PCNX2: variants seen among roughly 807,000 people sequenced by gnomAD.
PCNX2 encodes pecanex-like protein 2.
A neutral mutation model predicts 223.8 loss-of-function variants in PCNX2; 168 were observed. That is an observed-to-expected ratio of 0.75 (90% CI 0.66 to 0.85). The LOEUF is 0.85. PCNX2 is among the 40% of genes least tolerant of loss of function. The pLI is 0.00. For missense variants in PCNX2, 2,507 were observed against 2,675.5 expected (o/e 0.94, Z 1.39); for synonymous variants, 1,006 against 1,052.6 (o/e 0.96, Z 0.86).
chr1:233,211,050 TAG>T (rs1681784436), intron 12 of PCNX2, among the ~76,000 whole-genome samples: 1 of 152,174 alleles, frequency 6.6e-6, no homozygotes, highest in Non-Finnish European at 1.5e-5. Context: ...ATTATCCTCT[TAG>T]AGACAGTGGA....
At position 233,259,051 on chromosome 1, in the gene PCNX2, C is replaced by A; in HGVS notation, c.811G>T (p.Val271Phe). 1.2e-6 allele frequency: 2 copies of A among 1,613,990 alleles called. No homozygotes were observed. The highest frequency in any genetic ancestry group is 1.7e-6 in the Non-Finnish European group (2 of 1,179,888). ...LSQYDLLETD[V>F]SFQPWGSENS... ...TCACTCCCCCACGGCTGGAAAGAAACGTCTGTTTCTAGTAAGTCATACTGA... is the reference window on the plus strand; with the variant it reads ...TCACTCCCCCACGGCTGGAAAGAAAAGTCTGTTTCTAGTAAGTCATACTGA... Residue 271 changes from valine (V) to phenylalanine (F), a missense_variant, in exon 5 of 34, where the codon GTT becomes TTT. Val to Phe is a conservative substitution (Grantham distance 50). Around this residue, in one of 3 missense-constraint regions of PCNX2, gnomAD observed 1,031 missense variants for 1,021.7 expected, o/e 1.01. Coordinates refer to ENST00000258229, the MANE Select transcript of PCNX2 (RefSeq NM_014801.4).
chr1:233,060,127 T>C (rs556629213), intron 23 of PCNX2, among the ~76,000 whole-genome samples: 2 of 152,358 alleles, frequency 1.3e-5, no homozygotes, highest in South Asian at 4.1e-4. Flanking sequence ...TATGCTGTTC[T>C]ATTACAGCTT....
chr1:233,225,817 G>C (rs896232559), intron 10 of PCNX2, among the ~76,000 whole-genome samples: 2 of 152,152 alleles, frequency 1.3e-5, no homozygotes, highest in African/African-American at 4.8e-5. Context: ...TCATTTACCA[G>C]AATATACTAT....
Position 233,258,251 on chromosome 1 carries a change from T to C in PCNX2, c.1611A>G (p.Thr537=). Reference sequence around the variant, plus strand: ...CAGAACTTTTACTCAAGAAGACATCTGTCCCACTGTCCACACTGAGCACCC... The same window carrying C: ...CAGAACTTTTACTCAAGAAGACATCCGTCCCACTGTCCACACTGAGCACCC... ...HARVLSVDSG[T]DVFLSKSSAE... Residue 537 remains threonine, a synonymous_variant, in exon 5 of 34, where the codon ACA becomes ACG. Coordinates refer to ENST00000258229, the MANE Select transcript of PCNX2 (RefSeq NM_014801.4). 6.2e-7 allele frequency: 1 copy of C among 1,614,030 alleles called. No homozygotes were observed. The highest frequency in any genetic ancestry group is 8.5e-7 in the Non-Finnish European group (1 of 1,179,900).
At chr1:233,138,222 G>T (rs577298261) in intron 20 of PCNX2, among the ~76,000 whole-genome samples, 6 of 152,158 alleles carry the variant, frequency 3.9e-5, no homozygotes, top group Non-Finnish European at 8.8e-5. Flanking sequence ...GCACCTTTCT[G>T]ACTTTAGTGT....
chr1:233,261,257 G>C, intron 4 of PCNX2, 28 bp downstream of exon 4: 1 of 1,579,348 alleles, frequency 6.3e-7, no homozygotes, highest in East Asian at 2.2e-5. Context: ...ATAGTGCTGT[G>C]ATAAAATATA....
intron 21 of PCNX2, among the ~76,000 whole-genome samples, chr1:233,119,620 C>CA (rs565410435): frequency 8.1e-4 from 119 of 147,748 alleles, no homozygotes; most frequent in Non-Finnish European, 1.5e-3. Context: ...CAAAACAAAA[C>CA]AAAAAAACGA....
intron 23 of PCNX2, among the ~76,000 whole-genome samples, chr1:233,072,312 T>C (rs1672892531): frequency 6.6e-6 from 1 of 152,232 alleles, no homozygotes; most frequent in Non-Finnish European, 1.5e-5. Context: ...CTTGAGTTAA[T>C]ATTTGCATAT....
At chr1:233,159,236 A>T (rs1678318022) in intron 19 of PCNX2, among the ~76,000 whole-genome samples, 1 of 152,100 alleles carries the variant, frequency 6.6e-6, no homozygotes, top group Admixed American at 6.6e-5. Context: ...GTTTCTAACT[A>T]AGGCGGCTCC....
intron 23 of PCNX2, among the ~76,000 whole-genome samples, chr1:233,060,448 C>A (rs1307545204): frequency 6.6e-6 from 1 of 152,202 alleles, no homozygotes. Flanking sequence ...CTATAGAACA[C>A]AGTCTAAATT....
chr1:233,188,292 G>A (rs1379851714), intron 15 of PCNX2, among the ~76,000 whole-genome samples: 2 of 152,138 alleles, frequency 1.3e-5, no homozygotes, highest in South Asian at 2.1e-4. Context: ...TTTCCTGGAT[G>A]GCTGTCCACT....
intron 21 of PCNX2, among the ~76,000 whole-genome samples, chr1:233,119,403 C>CAAAAAAAAAAAA (rs71173251): frequency 2.0e-3 from 79 of 38,600 alleles, no homozygotes; most frequent in East Asian, 4.2e-3. Context: ...ACTAAAAATA[C>CAAAAAAAAAAAA]AAAAAAAAAA....
At position 233,017,991 on chromosome 1, in the gene PCNX2, T is replaced by G. The variant is rs138031769; in HGVS notation, c.4606-837A>C. On this transcript the variant is annotated intron_variant, in intron 26 of 33. Transcript: ENST00000258229. ...AGAGACCTAGCCAATGAGTATTTAA[T>G]GAACTAAAATAACAGGGTTTTCAGT... is the stretch of plus-strand genomic sequence containing the variant. 5.1e-3 allele frequency among the ~76,000 whole-genome samples: 782 copies of G among 152,292 alleles called. 5 individuals are homozygous for G. The highest frequency in any genetic ancestry group is 0.018 in the African/African-American group (742 of 41,562).
In PCNX2 at chr1:233,250,769, G is replaced by T; in HGVS notation, c.2192C>A (p.Pro731Gln). 1 of 1,607,140 alleles carries T rather than the reference G, an allele frequency of 6.2e-7. No individual in the cohort carries two copies. Among genetic ancestry groups the T allele is most frequent in the Non-Finnish European group, 8.5e-7 (1 of 1,176,796 alleles). Residue 731 changes from proline (P) to glutamine (Q), a missense_variant, in exon 8 of 34, where the codon CCA becomes CAA. Pro to Gln is a moderately conservative substitution (Grantham distance 76, BLOSUM62 -1). This residue lies in a region of PCNX2 where 1,031 missense variants were observed against 1,021.7 expected (regional missense o/e 1.01). Coordinates refer to ENST00000258229, the MANE Select transcript of PCNX2 (RefSeq NM_014801.4). Reference protein sequence around the residue: ...NQKEGPLQPLPSNNDCLSQAR... With the variant: ...NQKEGPLQPLQSNNDCLSQAR... ...CTGAGAGAGACAGTCATTATTTGAT[G>T]GTAGAGGCTGTAAAGGGCCTTCTTT...
At chr1:233,118,557 G>A (rs897770688) in intron 21 of PCNX2, among the ~76,000 whole-genome samples, 4 of 144,928 alleles carry the variant, frequency 2.8e-5, no homozygotes, top group Admixed American at 1.4e-4. Flanking sequence ...AAAATCTATT[G>A]TATCTCTATA....
At chr1:233,168,497 T>G (rs1678935226) in intron 17 of PCNX2, among the ~76,000 whole-genome samples, 1 of 152,062 alleles carries the variant, frequency 6.6e-6, no homozygotes, top group Non-Finnish European at 1.5e-5. Context: ...TATCATTTAG[T>G]GGTTAAATAA....
chr1:233,163,848 A>T (rs1451144477), intron 17 of PCNX2, among the ~76,000 whole-genome samples: 6 of 152,052 alleles, frequency 3.9e-5, no homozygotes, highest in African/African-American at 1.2e-4. Context: ...AGATTCATCC[A>T]TGGTGTCGTC....
At chr1:233,292,137 T>G in intron 1 of PCNX2, 5 of 674,108 alleles carry the variant, frequency 7.4e-6, no homozygotes, top group South Asian at 1.3e-4. Context: ...ATATTTAAAA[T>G]ACTCAAAGTA....
intron 7 of PCNX2, among the ~76,000 whole-genome samples, chr1:233,252,019 G>A (rs1292919224): frequency 2.0e-5 from 3 of 152,218 alleles, no homozygotes. Context: ...TATACAAGCT[G>A]TAATATTATC....
Sources: allele counts gnomAD v4.1 joint callset (sites outside exome capture counted in the v4.1 genomes callset), GRCh38; gene constraint gnomAD v4.1.1; regional missense constraint gnomAD v4.1.1; transcripts MANE v1.5; gene names NCBI Gene and HGNC (gene_info 2026-07-23, HGNC 2026-07-21).